The following CNRIP1 variants were observed in gnomAD, a reference collection of about 807,000 sequenced individuals.
CNRIP1 encodes CB1 cannabinoid receptor-interacting protein 1.
CNRIP1 carries 10 observed loss-of-function variants against 15.2 expected under a neutral mutation model. That is an observed-to-expected ratio of 0.66 (90% CI 0.41 to 1.12). The LOEUF (loss-of-function observed/expected upper bound fraction) is 1.12, where lower values mean the gene tolerates loss of function less well. CNRIP1 is among the 50% of genes most tolerant of loss of function. CNRIP1 has a pLI of 0.00. For synonymous variants in CNRIP1, 91 were observed against 83.2 expected, an observed-to-expected ratio of 1.09 and a Z score of -0.51; for missense variants, 211 against 214.7, an observed-to-expected ratio of 0.98 and a Z score of 0.11.
At chr2:68,309,822 C>T (rs956457967) in intron 2 of CNRIP1, among the ~76,000 whole-genome samples, 1 of 152,150 alleles carries the variant, frequency 6.6e-6, no homozygotes, top group Non-Finnish European at 1.5e-5. Flanking sequence ...TAATCCCTAG[C>T]TAACTGCATA....
intron 2 of CNRIP1, among the ~76,000 whole-genome samples, chr2:68,311,313 C>A (rs1672065381): frequency 6.7e-6 from 1 of 149,870 alleles, no homozygotes. Context: ...TAAAATATTT[C>A]AAAGCAAACA....
Position 68,304,843 on chromosome 2 carries a change from C to G in CNRIP1, c.331-10817G>C, listed in dbSNP as rs1056875035. On this transcript the variant is annotated intron_variant, in intron 2 of 2. Coordinates refer to ENST00000263655, the MANE Select transcript of CNRIP1 (RefSeq NM_015463.3). ...ATAGGTTTTCTGATCAAGTCACCAG[C>G]TCCTATATTAAGTTCAAATTTTTAT... Among the ~76,000 whole-genome samples the G allele has an allele frequency of 4.6e-5, 7 of 152,228 alleles. No homozygotes were observed. In the South Asian group the frequency reaches 1.5e-3, roughly 32 times the overall value.
At chr2:68,305,274 ATGTGTG>A (rs10601379) in intron 2 of CNRIP1, among the ~76,000 whole-genome samples, 19,130 of 120,610 alleles carry the variant, frequency 0.16, 2,366 homozygotes, top group East Asian at 0.53. Flanking sequence ...ATATATATAT[ATGTGTG>A]TGTGTGTGTG....
intron 2 of CNRIP1, among the ~76,000 whole-genome samples, chr2:68,311,164 A>G (rs1672059933): frequency 6.6e-6 from 1 of 151,948 alleles, no homozygotes; most frequent in Non-Finnish European, 1.5e-5. Context: ...TTTGGTGAAA[A>G]CATTAACCTC....
chr2:68,288,029 A>G (rs189426854), downstream of CNRIP1, among the ~76,000 whole-genome samples: 1 of 151,902 alleles, frequency 6.6e-6, no homozygotes, highest in East Asian at 1.9e-4. Context: ...AAAGGCTAAC[A>G]GATTGCAAAC....
chr2:68,299,752 A>T (rs1309822157), intron 2 of CNRIP1, among the ~76,000 whole-genome samples: 1 of 152,226 alleles, frequency 6.6e-6, no homozygotes, highest in East Asian at 1.9e-4. Flanking sequence ...TCTGATTCCA[A>T]GGAGAGGAGA....
intron 2 of CNRIP1, among the ~76,000 whole-genome samples, chr2:68,295,486 A>G (rs1169096386): frequency 6.6e-6 from 1 of 152,210 alleles, no homozygotes; most frequent in Non-Finnish European, 1.5e-5. Context: ...CAATAGCCCC[A>G]GGTTGGAATT....
chr2:68,293,753 C>G lies in CNRIP1; in HGVS notation c.*109G>C. 6.6e-7 allele frequency: 1 copy of G among 1,509,488 alleles called. No homozygotes were observed. The highest frequency in any genetic ancestry group is 8.9e-7 in the Non-Finnish European group (1 of 1,127,662). The allele number at this position is 1,509,488 out of a possible 1,614,324, so 93.5% of individuals were successfully genotyped here. On this transcript the variant is annotated 3_prime_UTR_variant, in exon 3 of 3. Coordinates refer to ENST00000263655, the MANE Select transcript of CNRIP1 (RefSeq NM_015463.3). ...AACCAGGGCTAGTAGGTCATTAGTA[C>G]CAGATGGGGAACAGCAATGGTGTGG...
At chr2:68,307,918 T>C (rs1671918195) in intron 2 of CNRIP1, among the ~76,000 whole-genome samples, 1 of 151,802 alleles carries the variant, frequency 6.6e-6, no homozygotes, top group Non-Finnish European at 1.5e-5. Context: ...TTGGGCCAGG[T>C]GTGGTGGCTC....
At chr2:68,307,369 T>A (rs1671894808) in intron 2 of CNRIP1, among the ~76,000 whole-genome samples, 1 of 152,210 alleles carries the variant, frequency 6.6e-6, no homozygotes, top group Non-Finnish European at 1.5e-5. Context: ...TGGCCCAGGC[T>A]GGAGTATAGT....
downstream of CNRIP1, among the ~76,000 whole-genome samples, chr2:68,289,398 A>G (rs2103879893): frequency 6.6e-6 from 1 of 152,320 alleles, no homozygotes; most frequent in African/African-American, 2.4e-5. Context: ...ATATTTTAGG[A>G]AAATAAGTTT....
At chr2:68,313,539 A>G (rs998587518) in intron 2 of CNRIP1, among the ~76,000 whole-genome samples, 2 of 152,182 alleles carry the variant, frequency 1.3e-5, no homozygotes, top group African/African-American at 4.8e-5. Flanking sequence ...GTGAATCTCA[A>G]CATTATACTA....
chr2:68,310,320 C>T (rs1208807292), intron 2 of CNRIP1, among the ~76,000 whole-genome samples: 19 of 152,124 alleles, frequency 1.2e-4, no homozygotes, highest in Admixed American at 1.2e-3. Flanking sequence ...AAAAGTGAAA[C>T]TCCATCTCAA....
At chr2:68,298,144 T>TCACA (rs1558662830) in intron 2 of CNRIP1, among the ~76,000 whole-genome samples, 3 of 152,296 alleles carry the variant, frequency 2.0e-5, no homozygotes, top group Non-Finnish European at 4.4e-5. Context: ...TGGTGGTATG[T>TCACA]ATAAATCAAA....
intron 2 of CNRIP1, among the ~76,000 whole-genome samples, chr2:68,306,876 C>T (rs1014110661): frequency 1.3e-5 from 2 of 151,974 alleles, no homozygotes; most frequent in African/African-American, 2.4e-5. Flanking sequence ...TTTACAATCA[C>T]ACCAAACAGG....
At chr2:68,291,236 T>A (rs1671160425), downstream of CNRIP1, among the ~76,000 whole-genome samples, 1 of 152,154 alleles carries the variant, frequency 6.6e-6, no homozygotes, top group African/African-American at 2.4e-5. Context: ...ACCTTACTTC[T>A]GGCCCTAAGG....
chr2:68,302,457 C>T (rs556901834), intron 2 of CNRIP1, among the ~76,000 whole-genome samples: 33 of 152,292 alleles, frequency 2.2e-4, no homozygotes, highest in African/African-American at 7.9e-4. Flanking sequence ...CTTGGAGGGA[C>T]TGATTGGGAA....
intron 2 of CNRIP1, among the ~76,000 whole-genome samples, chr2:68,297,163 CAAAT>C (rs931325915): frequency 6.6e-6 from 1 of 152,026 alleles, no homozygotes; most frequent in African/African-American, 2.4e-5. Flanking sequence ...AAAGTATTAC[CAAAT>C]AGTCATTATC....
chr2:68,305,310 GTGTA>G, intron 2 of CNRIP1, among the ~76,000 whole-genome samples: 1 of 127,922 alleles, frequency 7.8e-6, no homozygotes, highest in Non-Finnish European at 1.7e-5. Context: ...GTGTGTGTGT[GTGTA>G]CATATAAAAC....
Sources: allele counts gnomAD v4.1 joint callset (sites outside exome capture counted in the v4.1 genomes callset), GRCh38; gene constraint gnomAD v4.1.1; transcripts MANE v1.5; gene names NCBI Gene and HGNC (gene_info 2026-07-23, HGNC 2026-07-21).